TMEM45A: variants seen among roughly 807,000 people sequenced by gnomAD.
The protein encoded by TMEM45A is transmembrane protein 45A, also known as DNA polymerase-transactivated protein 4.
A neutral mutation model predicts 32.0 loss-of-function variants in TMEM45A; 25 were observed. The ratio of observed to expected loss-of-function variants is 0.78; its 90% CI spans 0.57 to 1.09. TMEM45A has a LOEUF of 1.09. Among genes scored for constraint, TMEM45A ranks in the 50% least tolerant of loss-of-function variants. TMEM45A has a pLI of 0.00. For synonymous variants in TMEM45A, 122 were observed against 114.8 expected, an observed-to-expected ratio of 1.06 and a Z score of -0.40; for missense variants, 302 against 325.0, an observed-to-expected ratio of 0.93 and a Z score of 0.54.
intron 1 of TMEM45A, among the ~76,000 whole-genome samples, chr3:100,508,130 A>C (rs1708102967): frequency 6.6e-6 from 1 of 152,040 alleles, no homozygotes; most frequent in Admixed American, 6.6e-5. Context: ...CCCATGTTCC[A>C]CATTTCCACC....
chr3:100,557,508 G>A (rs1430793402), intron 3 of TMEM45A, among the ~76,000 whole-genome samples: 4 of 151,530 alleles, frequency 2.6e-5, no homozygotes, highest in African/African-American at 9.7e-5. Context: ...TTGTTCAGCT[G>A]GTCTCCCAGT....
chr3:100,493,221 C>G (rs1178332380), intron 1 of TMEM45A, among the ~76,000 whole-genome samples: 1 of 140,216 alleles, frequency 7.1e-6, no homozygotes, highest in East Asian at 2.3e-4. Context: ...AAAATTGAAT[C>G]TATTGATAAA....
chr3:100,539,359 C>CT (rs1559644419), intron 1 of TMEM45A, among the ~76,000 whole-genome samples: 1 of 151,682 alleles, frequency 6.6e-6, no homozygotes, highest in Admixed American at 6.6e-5. Flanking sequence ...AAAAATAAGT[C>CT]TTTTTAACAG....
chr3:100,515,710 C>A (rs1227371888), intron 1 of TMEM45A, among the ~76,000 whole-genome samples: 1 of 151,396 alleles, frequency 6.6e-6, no homozygotes, highest in Non-Finnish European at 1.5e-5. Flanking sequence ...GATGGAACTG[C>A]AGGTCATTAT....
intron 1 of TMEM45A, among the ~76,000 whole-genome samples, chr3:100,494,331 T>C (rs1256327977): frequency 2.0e-5 from 3 of 152,140 alleles, no homozygotes; most frequent in Non-Finnish European, 2.9e-5. Flanking sequence ...GTACAATAAT[T>C]AAAAGTTGCA....
chr3:100,530,771 T>G (rs1336991475), intron 1 of TMEM45A, among the ~76,000 whole-genome samples: 3 of 152,222 alleles, frequency 2.0e-5, no homozygotes, highest in Non-Finnish European at 4.4e-5. Flanking sequence ...AGCCCATACA[T>G]TGCAATTACA....
intron 1 of TMEM45A, among the ~76,000 whole-genome samples, chr3:100,523,302 T>G (rs182039588): frequency 2.0e-5 from 3 of 152,368 alleles, no homozygotes; most frequent in African/African-American, 7.2e-5. Context: ...TAGTCCTCTT[T>G]TAGCCCTTAT....
intron 4 of TMEM45A, among the ~76,000 whole-genome samples, chr3:100,559,777 T>G (rs1242821066): frequency 6.6e-6 from 1 of 151,882 alleles, no homozygotes; most frequent in Non-Finnish European, 1.5e-5. Flanking sequence ...TCTTGTGTGC[T>G]CCTGACACAT....
intron 1 of TMEM45A, among the ~76,000 whole-genome samples, chr3:100,527,005 G>A (rs1027252374): frequency 6.6e-6 from 1 of 152,086 alleles, no homozygotes; most frequent in Admixed American, 6.5e-5. Flanking sequence ...TTTAAAATAG[G>A]TATTTAAAAT....
chr3:100,524,539 G>A (rs970275459), intron 1 of TMEM45A, among the ~76,000 whole-genome samples: 24 of 152,192 alleles, frequency 1.6e-4, no homozygotes, highest in African/African-American at 4.6e-4. Flanking sequence ...TGTCCAATAT[G>A]GTAGCCACGA....
intron 5 of TMEM45A, chr3:100,574,274 G>A (rs1706635854): frequency 6.6e-6 from 1 of 152,124 alleles, no homozygotes; most frequent in Non-Finnish European, 1.5e-5. Context: ...AAGAAGAAAA[G>A]AGAGAAGAAT....
intron 5 of TMEM45A, among the ~76,000 whole-genome samples, chr3:100,575,218 C>A (rs1335364631): frequency 6.6e-6 from 1 of 152,108 alleles, no homozygotes; most frequent in African/African-American, 2.4e-5. Flanking sequence ...AATAATGATG[C>A]ACAGGAAAAG....
At chr3:100,567,479 A>G (rs1046797619) in intron 4 of TMEM45A, among the ~76,000 whole-genome samples, 11 of 144,264 alleles carry the variant, frequency 7.6e-5, no homozygotes, top group Admixed American at 7.1e-4. Flanking sequence ...ATCCCTTGCA[A>G]TTCCATATGA....
intron 4 of TMEM45A, among the ~76,000 whole-genome samples, chr3:100,566,469 T>C (rs933425556): frequency 6.6e-6 from 1 of 152,192 alleles, no homozygotes; most frequent in African/African-American, 2.4e-5. Flanking sequence ...CTCCTACAAA[T>C]GTCTACCATT....
chr3:100,537,966 G>C (rs989054596), intron 1 of TMEM45A, among the ~76,000 whole-genome samples: 2 of 152,196 alleles, frequency 1.3e-5, no homozygotes, highest in Non-Finnish European at 1.5e-5. Flanking sequence ...GTAATACCGG[G>C]TTTGGGAGTC....
intron 1 of TMEM45A, among the ~76,000 whole-genome samples, chr3:100,544,317 G>A (rs753030397): frequency 6.6e-6 from 1 of 152,118 alleles, no homozygotes; most frequent in African/African-American, 2.4e-5. Context: ...GCCTTCCAGA[G>A]AAGGAAGGGC....
At chr3:100,521,660 C>A (rs1369016386) in intron 1 of TMEM45A, among the ~76,000 whole-genome samples, 4 of 152,190 alleles carry the variant, frequency 2.6e-5, no homozygotes, top group African/African-American at 9.7e-5. Flanking sequence ...GGCTTTCCAC[C>A]CCACATCATT....
At chr3:100,516,290 T>A (rs1708260664) in intron 1 of TMEM45A, among the ~76,000 whole-genome samples, 1 of 152,186 alleles carries the variant, frequency 6.6e-6, no homozygotes, top group Non-Finnish European at 1.5e-5. Flanking sequence ...CTTGATATAA[T>A]CTAATTGATG....
chr3:100,546,865 G>C (rs1270787815), intron 1 of TMEM45A, among the ~76,000 whole-genome samples: 1 of 152,136 alleles, frequency 6.6e-6, no homozygotes. Flanking sequence ...TTGAAATCCT[G>C]GCTCTGGTCT....
Sources: gnomAD v4.1 joint callset for allele counts (sites outside exome capture counted in the v4.1 genomes callset) on GRCh38, gnomAD v4.1.1 for gene constraint, MANE v1.5 for transcripts, NCBI Gene and HGNC (gene_info 2026-07-23, HGNC 2026-07-21) for gene names.